Variants in LYST observed in about 807,000 individuals in gnomAD.
LYST encodes lysosomal-trafficking regulator.
In LYST, 192 loss-of-function variants were observed where a neutral mutation model predicts 413.6. The ratio of observed to expected loss-of-function variants is 0.46; its 90% CI spans 0.41 to 0.52. The LOEUF is 0.52. Ranked by LOEUF, LYST falls within the 20% of genes least tolerant of loss-of-function variation. The pLI, the probability that LYST is intolerant of heterozygous loss-of-function variation, is 0.00. For missense variants in LYST, 3,815 were observed against 4,499.9 expected (o/e 0.85, Z 4.35); for synonymous variants, 1,525 against 1,567.3 (o/e 0.97, Z 0.64).
intron 30 of LYST, among the ~76,000 whole-genome samples, chr1:235,742,688 T>C (rs552376093): frequency 8.4e-4 from 127 of 150,732 alleles, no homozygotes; most frequent in African/African-American, 2.9e-3. Context: ...AAAAAAAGCA[T>C]CAAAGAACAA....
chr1:235,869,880 A>G (rs1680856644), upstream of LYST, among the ~76,000 whole-genome samples: 1 of 152,170 alleles, frequency 6.6e-6, no homozygotes, highest in Non-Finnish European at 1.5e-5. Flanking sequence ...TTTACCAAAC[A>G]TGCCAGATAC....
chr1:235,864,266 T>C (rs1322063608), intron 1 of LYST, among the ~76,000 whole-genome samples: 1 of 152,186 alleles, frequency 6.6e-6, no homozygotes, highest in Admixed American at 6.5e-5. Context: ...TTACCATTCT[T>C]AAACAAGTAT....
At chr1:235,678,977 G>A (rs1301159018) in intron 48 of LYST, among the ~76,000 whole-genome samples, 1 of 152,076 alleles carries the variant, frequency 6.6e-6, no homozygotes, top group Non-Finnish European at 1.5e-5. Flanking sequence ...ATTAGGTACA[G>A]CTATCTATCT....
intron 31 of LYST, 96 bp downstream of exon 31, chr1:235,741,326 A>T: frequency 1.9e-6 from 2 of 1,050,068 alleles, no homozygotes; most frequent in Non-Finnish European, 3.0e-6. Context: ...TTTATAAATT[A>T]GGCATGAACA....
intron 11 of LYST, 41 bp downstream of exon 11, chr1:235,793,460 AAG>A (rs750945242): frequency 1.1e-6 from 1 of 906,466 alleles, no homozygotes; most frequent in Non-Finnish European, 1.8e-6. Flanking sequence ...TTGTAAGTGA[AAG>A]AATTTATCAG....
In LYST at chr1:235,691,697, C is replaced by CTTTTTTTTTTTTTTTTTTTTTTTT. The variant is rs774558822; in HGVS notation, c.10701+1652_10701+1653insAAAAAAAAAAAAAAAAAAAAAAAA. Among the ~76,000 whole-genome samples, 8 of 138,202 alleles carry CTTTTTTTTTTTTTTTTTTTTTTTT rather than the reference C, an allele frequency of 5.8e-5. 3 individuals carry two copies. Among genetic ancestry groups the CTTTTTTTTTTTTTTTTTTTTTTTT allele is most frequent in the Non-Finnish European group, 7.7e-5 (5 of 65,068 alleles). 90.7% of individuals were successfully genotyped at this position (138,202 alleles called of 152,430 possible). On this transcript the variant is annotated intron_variant, in intron 47 of 52. Transcript: ENST00000389793. ...GTAAGTACTATAAACATCAGATTCT[C>CTTTTTTTTTTTTTTTTTTTTTTTT]TCTTTTTTTTTTTTTTGAGATGGAG...
At chr1:235,785,516 A>T (rs1419810633) in intron 14 of LYST, among the ~76,000 whole-genome samples, 1 of 152,210 alleles carries the variant, frequency 6.6e-6, no homozygotes, top group East Asian at 1.9e-4. Flanking sequence ...TTAAGGGTAT[A>T]TGTTATTTCC....
intron 5 of LYST, among the ~76,000 whole-genome samples, chr1:235,807,824 A>G (rs1004671160): frequency 5.3e-5 from 8 of 152,076 alleles, no homozygotes; most frequent in African/African-American, 1.7e-4. Flanking sequence ...CATATATTGC[A>G]GAGGTTATAA....
Position 235,793,587 on chromosome 1 carries a change from A to C in LYST, c.4032T>G (p.Leu1344=), listed in dbSNP as rs757015092. The C allele has an allele frequency of 3.1e-6, 5 of 1,593,920 alleles. No homozygotes were observed. The South Asian group carries it at 5.6e-5, about 18-fold the overall frequency. ...TTCTTGAACTCATCAAAGATACCAAAAGATCCACCAATACTCTCTGGCATG... is the reference window on the plus strand; with the variant it reads ...TTCTTGAACTCATCAAAGATACCAACAGATCCACCAATACTCTCTGGCATG... ...FQACQRVLVD[L]LVSLMSSRTC... is the part of the protein sequence containing the mutation. Residue 1344 remains leucine (L), a synonymous_variant, in exon 11 of 53, where the codon CTT becomes CTG. Transcript: ENST00000389793.
intron 23 of LYST, 22 bp from the exon 24 acceptor site, chr1:235,757,480 T>G (rs768176110): frequency 6.3e-7 from 1 of 1,598,734 alleles, no homozygotes; most frequent in Non-Finnish European, 8.6e-7. Flanking sequence ...ACCAAAAAAG[T>G]CTTACTAACA....
chr1:235,770,373 C>T (rs545415108), intron 19 of LYST, 76 bp from the exon 20 acceptor site: 122 of 1,265,278 alleles, frequency 9.6e-5, no homozygotes, highest in South Asian at 7.0e-4. Flanking sequence ...AGACACACAA[C>T]GCGCAACAAT....
At chr1:235,740,924 A>G (rs1383810904) in intron 31 of LYST, among the ~76,000 whole-genome samples, 3 of 152,180 alleles carry the variant, frequency 2.0e-5, no homozygotes, top group Non-Finnish European at 4.4e-5. Flanking sequence ...AAACTTTCCA[A>G]CTACCACTCT....
In LYST at chr1:235,773,868, C is replaced by G; in HGVS notation, c.5758G>C (p.Asp1920His). 6.2e-7 allele frequency: 1 copy of G among 1,612,576 alleles called. No homozygotes were observed. The highest frequency in any genetic ancestry group is 8.5e-7 in the Non-Finnish European group (1 of 1,178,796). Residue 1920 changes from aspartate to histidine, a missense_variant, in exon 19 of 53, where the codon GAC becomes CAC. This residue lies in a region of LYST where 530 missense variants were observed against 696.5 expected (regional missense o/e 0.76). Coordinates refer to ENST00000389793, the MANE Select transcript of LYST (RefSeq NM_000081.4). ...TCTGCTTTACTCCATATCTTCCAGT[C>G]AAGCAATAGTTCCTCTAACAGCTTA... ...DVKLLEELLL[D>H]WKIWSKAEQG...
chr1:235,696,775 C>T (rs770207658), intron 46 of LYST, among the ~76,000 whole-genome samples: 4 of 152,172 alleles, frequency 2.6e-5, no homozygotes, highest in African/African-American at 4.8e-5. Context: ...TGGTCAAATA[C>T]GTCTGTCTAT....
rs184237667 is a variant in LYST at position 235,845,564 on chromosome 1, G to A, written c.-97-11897C>T. Among the ~76,000 whole-genome samples, 18 of 152,250 alleles carry A rather than the reference G, an allele frequency of 1.2e-4. No individual in the cohort carries two copies. The East Asian group carries it at 2.3e-3, about 20-fold the overall frequency. On this transcript the variant is annotated intron_variant, in intron 1 of 52. Coordinates refer to ENST00000389793, the MANE Select transcript of LYST (RefSeq NM_000081.4). Reference sequence around the variant, plus strand: ...GGAAGAACTAAAGCCCTTTTCTTTCGTAGCTGAGAGGTGGATAGCCTCGGG... The same window carrying A: ...GGAAGAACTAAAGCCCTTTTCTTTCATAGCTGAGAGGTGGATAGCCTCGGG...
intron 24 of LYST, 70 bp downstream of exon 24, chr1:235,757,211 C>T: frequency 9.6e-7 from 1 of 1,038,920 alleles, no homozygotes; most frequent in East Asian, 2.6e-5. Context: ...AATGTATATA[C>T]TCAAAATTTT....
At chr1:235,849,039 C>G (rs921935954) in intron 1 of LYST, among the ~76,000 whole-genome samples, 3 of 152,084 alleles carry the variant, frequency 2.0e-5, no homozygotes, top group Non-Finnish European at 4.4e-5. Flanking sequence ...ACACTAATAT[C>G]AAAACCAGGA....
chr1:235,813,454 C>T (rs924338618), intron 3 of LYST, among the ~76,000 whole-genome samples: 1 of 152,068 alleles, frequency 6.6e-6, no homozygotes, highest in African/African-American at 2.4e-5. Context: ...AGCCTTCATG[C>T]AGTTAAATGA....
At chr1:235,795,672 A>G (rs1671482031) in intron 10 of LYST, among the ~76,000 whole-genome samples, 2 of 152,134 alleles carry the variant, frequency 1.3e-5, no homozygotes. Flanking sequence ...TCCACATACT[A>G]CCCACTCAGG....
Sources: allele counts gnomAD v4.1 joint callset (sites outside exome capture counted in the v4.1 genomes callset), GRCh38; gene constraint gnomAD v4.1.1; regional missense constraint gnomAD v4.1.1; transcripts MANE v1.5; gene names NCBI Gene and HGNC (gene_info 2026-07-23, HGNC 2026-07-21).